The following LYPD3 variants were observed in gnomAD, a reference collection of about 807,000 sequenced individuals.
LYPD3 encodes the protein ly6/PLAUR domain-containing protein 3.
A neutral mutation model predicts 21.7 loss-of-function variants in LYPD3; 22 were observed. The observed-to-expected ratio is 1.01, with a 90% CI of 0.72 to 1.45. The LOEUF (loss-of-function observed/expected upper bound fraction) is 1.45, where lower values mean the gene tolerates loss of function less well. Among genes scored for constraint, LYPD3 ranks in the 40% most tolerant of loss-of-function variants. The pLI is 0.00. For synonymous variants in LYPD3, 179 were observed against 203.0 expected, an observed-to-expected ratio of 0.88 and a Z score of 1.00; for missense variants, 471 against 466.9, an observed-to-expected ratio of 1.01 and a Z score of -0.08.
At chr19:43,462,460 A>G (rs553916999) in intron 4 of LYPD3, among the ~76,000 whole-genome samples, 1 of 152,170 alleles carries the variant, frequency 6.6e-6, no homozygotes, top group African/African-American at 2.4e-5. Context: ...CAAGAGTTCA[A>G]TACCAGCCTG....
At chr19:43,463,367 G>T in intron 3 of LYPD3, 80 bp from the exon 4 acceptor site, 1 of 1,511,872 alleles carries the variant, frequency 6.6e-7, no homozygotes, top group South Asian at 1.1e-5. Flanking sequence ...CGCCCCTAAG[G>T]CCTGGCCCCG....
intron 3 of LYPD3, 82 bp downstream of exon 3, chr19:43,463,517 C>G (rs565345243): frequency 2.0e-6 from 3 of 1,534,654 alleles, no homozygotes; most frequent in South Asian, 1.2e-5. Context: ...CGAGTACTCC[C>G]GCCTCTGCCA....
In LYPD3 at chr19:43,461,711, G is replaced by A. The variant is rs761501200; in HGVS notation, c.681C>T (p.Asn227=). 1.1e-5 allele frequency: 17 copies of A among 1,614,032 alleles called. No individual in the cohort carries two copies. The South Asian group carries it at 1.4e-4, about 14-fold the overall frequency. Reference sequence around the variant, plus strand: ...GGATTCGAGGGGAGAAGTAGGTCTTGTTGCGGAGGTCAGAGTTACAGCGGG... The same window carrying A: ...GGATTCGAGGGGAGAAGTAGGTCTTATTGCGGAGGTCAGAGTTACAGCGGG... ...QGSRCNSDLR[N]KTYFSPRIPP... The change falls in exon 5 of 5, where the codon AAC becomes AAT. Residue 227 remains asparagine, a synonymous_variant. Transcript: ENST00000244333.
At position 43,464,502 on chromosome 19, in the gene LYPD3, G is replaced by T. The variant is rs561161919; in HGVS notation, c.80-46C>A. 2.5e-6 allele frequency: 4 copies of T among 1,611,834 alleles called. No individual in the cohort carries two copies. The South Asian group carries it at 4.4e-5, about 18-fold the overall frequency. On this transcript the variant is annotated intron_variant, in intron 1 of 4. Coordinates refer to ENST00000244333, the MANE Select transcript of LYPD3 (RefSeq NM_014400.3). ...AGACCTGAGCCCTCCTTGCTAAAGCGTCCACCCCCAAGGAGAAATAGTCCT... is the reference window on the plus strand; with the variant it reads ...AGACCTGAGCCCTCCTTGCTAAAGCTTCCACCCCCAAGGAGAAATAGTCCT...
In LYPD3 at chr19:43,463,212, C is replaced by A. The variant is rs750069957; in HGVS notation, c.458G>T (p.Gly153Val). The A allele has an allele frequency of 1.2e-6, 2 of 1,609,594 alleles. No individual in the cohort carries two copies. Among genetic ancestry groups the A allele is most frequent in the East Asian group, 4.5e-5 (2 of 44,896 alleles). Residue 153 changes from glycine (G) to valine (V), a missense_variant, in exon 4 of 5, where the codon GGT becomes GTT. Transcript: ENST00000244333. Reference sequence around the variant, plus strand: ...GCAGCTCACGACCGGCGGCGATGTACCCTGGCACGCCTCCCGGCTCAGGCC... The same window carrying A: ...GCAGCTCACGACCGGCGGCGATGTAACCTGGCACGCCTCCCGGCTCAGGCC... ...CVGLSREACQ[G>V]TSPPVVSCYN...
At position 43,461,788 on chromosome 19, in the gene LYPD3, C is replaced by A. The variant is rs1970778450; in HGVS notation, c.604G>T (p.Asp202Tyr). Reference protein sequence around the residue: ...GCVQDEFCTRDGVTGPGFTLS... With the variant: ...GCVQDEFCTRYGVTGPGFTLS... ...GTGAACCCTGGGCCTGTTACTCCAT[C>A]CCGAGTGCAGAATTCATCCTGGACA... is the stretch of plus-strand genomic sequence containing the variant. The change falls in exon 5 of 5, where the codon GAT becomes TAT. Residue 202 changes from aspartate (D) to tyrosine (Y), a missense_variant. Coordinates refer to ENST00000244333, the MANE Select transcript of LYPD3 (RefSeq NM_014400.3). 3.7e-6 allele frequency: 6 copies of A among 1,614,134 alleles called. No individual in the cohort carries two copies. Among genetic ancestry groups the A allele is most frequent in the African/African-American group, 2.7e-5 (2 of 75,026 alleles).
At position 43,465,560 on chromosome 19, in the gene LYPD3, G is replaced by A. The variant is rs1237858862; in HGVS notation, c.12C>T (p.Ala4=). 2.5e-6 allele frequency: 4 copies of A among 1,610,286 alleles called. No individual in the cohort carries two copies. Among genetic ancestry groups the A allele is most frequent in the Non-Finnish European group, 3.4e-6 (4 of 1,179,982 alleles). The part of the protein sequence containing the change: MDP[A]RKAGAQAMIW... ...TCATGGCCTGGGCACCTGCTTTCCT[G>A]GCGGGGTCCATGGCTCCGTCCTGCT... is the stretch of plus-strand genomic sequence containing the variant. Residue 4 remains alanine, a synonymous_variant, in exon 1 of 5, where the codon GCC becomes GCT. Transcript: ENST00000244333.
rs150144918 is a variant in LYPD3 at position 43,464,391 on chromosome 19, T to C, written c.145A>G (p.Met49Val). 1.6e-5 allele frequency: 26 copies of C among 1,613,990 alleles called. No individual in the cohort carries two copies. The highest frequency in any genetic ancestry group is 2.2e-5 in the Non-Finnish European group (26 of 1,180,030). Residue 49 changes from methionine to valine, a missense_variant, in exon 2 of 5, where the codon ATG (methionine) becomes GTG (valine). Physicochemically the swap from Met to Val is conservative, Grantham distance 21. Transcript: ENST00000244333. ...CCCGGCGCGCACTTCACTGTCTTCA[T>C]CTTGTTCGGGGAGCATCCGTCATCT... ...KADDGCSPNKMKTVKCAPGVD... is the reference protein window; with the variant it reads ...KADDGCSPNKVKTVKCAPGVD...
intron 1 of LYPD3, among the ~76,000 whole-genome samples, chr19:43,465,063 G>A (rs536445691): frequency 1.3e-5 from 2 of 151,912 alleles, no homozygotes; most frequent in East Asian, 3.9e-4. Flanking sequence ...CGAGTAGCTG[G>A]GACTACAGGC....
chr19:43,463,176 C>T lies in LYPD3; in HGVS notation c.494G>A (p.Ser165Asn). ...SPPVVSCYNA[S>N]DHVYKGCFDG... ...GAAGCAGCCCTTGTAGACATGATCG[C>T]TGGCGTTGTAGCAGCTCACGACCGG... Residue 165 changes from serine (S) to asparagine (N), a missense_variant, in exon 4 of 5, where the codon AGC becomes AAC. Coordinates refer to ENST00000244333, the MANE Select transcript of LYPD3 (RefSeq NM_014400.3). 1 of 1,612,184 alleles carries T rather than the reference C, an allele frequency of 6.2e-7. No homozygotes were observed. Among genetic ancestry groups the T allele is most frequent in the Non-Finnish European group, 8.5e-7 (1 of 1,180,028 alleles).
At position 43,464,416 on chromosome 19, in the gene LYPD3, T is replaced by C; in HGVS notation, c.120A>G (p.Ala40=). ...ALECYSCVQK[A]DDGCSPNKMK... ...TCTTGTTCGGGGAGCATCCGTCATC[T>C]GCTTTCTGCACGCAGCTGTAGCACT... is the stretch of plus-strand genomic sequence containing the variant. Residue 40 remains alanine (A), a synonymous_variant, in exon 2 of 5, where the codon GCA becomes GCG. Transcript: ENST00000244333. 6.2e-7 allele frequency: 1 copy of C among 1,614,180 alleles called. No individual in the cohort carries two copies. The highest frequency in any genetic ancestry group is 8.5e-7 in the Non-Finnish European group (1 of 1,180,040).
At chr19:43,463,360 C>A in intron 3 of LYPD3, 73 bp from the exon 4 acceptor site, 2 of 1,536,380 alleles carry the variant, frequency 1.3e-6, no homozygotes, top group Non-Finnish European at 1.8e-6. Flanking sequence ...CTAGCCCCGC[C>A]CCTAAGGCCT....
Position 43,463,147 on chromosome 19 carries a change from C to T in LYPD3, c.523G>A (p.Gly175Ser), listed in dbSNP as rs1284450194. ...SDHVYKGCFD[G>S]NVTLTAANVT... ...TCACCTGCCGTCAAGGTGACGTTGCCGTCGAAGCAGCCCTTGTAGACATGA... is the reference window on the plus strand; with the variant it reads ...TCACCTGCCGTCAAGGTGACGTTGCTGTCGAAGCAGCCCTTGTAGACATGA... Residue 175 changes from glycine to serine, a missense_variant, in exon 4 of 5, where the codon GGC (glycine) becomes AGC (serine). Transcript: ENST00000244333. The T allele has an allele frequency of 1.6e-5, 25 of 1,612,216 alleles. No individual in the cohort carries two copies. Among genetic ancestry groups the T allele is most frequent in the Non-Finnish European group, 2.0e-5 (24 of 1,180,006 alleles).
chr19:43,463,717 G>A lies in LYPD3; in HGVS notation c.264C>T (p.Gly88=), dbSNP rs139578588. 1 of 1,613,092 alleles carries A rather than the reference G, an allele frequency of 6.2e-7. No homozygotes were observed. The highest frequency in any genetic ancestry group is 8.5e-7 in the Non-Finnish European group (1 of 1,180,040). Residue 88 remains glycine (G), a synonymous_variant, in exon 3 of 5, where the codon GGC becomes GGT. Transcript: ENST00000244333. The stretch of plus-strand genomic sequence containing the variant: ...GAAGATCCAGGCCGCGGTCATTCTT[G>A]CCGGGGAGTCCCGAACCGCAACCCC... The part of the protein sequence containing the change: ...AVRGCGSGLP[G]KNDRGLDLHG...
intron 3 of LYPD3, 32 bp from the exon 4 acceptor site, chr19:43,463,319 T>C (rs779650493): frequency 6.3e-7 from 1 of 1,597,838 alleles, no homozygotes; most frequent in Admixed American, 1.7e-5. Flanking sequence ...AGAAAAGGTG[T>C]CGAAAGGGTT....
At position 43,464,956 on chromosome 19, in the gene LYPD3, A is replaced by G. The variant is rs1401557406; in HGVS notation, c.80-500T>C. 4.8e-5 allele frequency among the ~76,000 whole-genome samples: 6 copies of G among 125,078 alleles called. No homozygotes were observed. In the East Asian group the frequency reaches 1.4e-3, roughly 30 times the overall value. The allele number at this position is 125,078 out of a possible 152,430, so 82.1% of individuals were successfully genotyped here. ...TTTCTTTTTTTTTTTTTTGAGACGGAGTCTCGCTCTGTCGCCAGGCTGGAG... is the reference window on the plus strand; with the variant it reads ...TTTCTTTTTTTTTTTTTTGAGACGGGGTCTCGCTCTGTCGCCAGGCTGGAG... On this transcript the variant is annotated intron_variant, in intron 1 of 4. Transcript: ENST00000244333.
At chr19:43,463,379 C>A in intron 3 of LYPD3, 92 bp from the exon 4 acceptor site, 1 of 1,470,660 alleles carries the variant, frequency 6.8e-7, no homozygotes, top group Admixed American at 1.9e-5. Flanking sequence ...CTGGCCCCGG[C>A]ACTATCGATG....
intron 2 of LYPD3, 23 bp downstream of exon 2, chr19:43,464,302 G>C (rs1304852422): frequency 6.3e-7 from 1 of 1,584,704 alleles, no homozygotes; most frequent in African/African-American, 1.3e-5. Flanking sequence ...AGTGGTGTGC[G>C]TGGCCCGGGG....
intron 1 of LYPD3, among the ~76,000 whole-genome samples, chr19:43,465,042 C>A (rs1050776833): frequency 6.6e-6 from 1 of 151,422 alleles, no homozygotes; most frequent in Non-Finnish European, 1.5e-5. Context: ...GATTCTCCTG[C>A]CTCAGCCTCC....
Sources: allele counts gnomAD v4.1 joint callset (sites outside exome capture counted in the v4.1 genomes callset), GRCh38; gene constraint gnomAD v4.1.1; transcripts MANE v1.5; gene names NCBI Gene and HGNC (gene_info 2026-07-23, HGNC 2026-07-21).